Variants in RFX3 observed in about 807,000 individuals in gnomAD.
The protein encoded by RFX3 is regulatory factor X3.
A neutral mutation model predicts 98.6 loss-of-function variants in RFX3; 14 were observed. That is an observed-to-expected ratio of 0.14 (90% CI 0.09 to 0.22). RFX3 has a LOEUF of 0.22. Ranked by LOEUF, RFX3 falls within the 10% of genes least tolerant of loss-of-function variation. RFX3 has a pLI of 1.00. For missense variants in RFX3, 639 were observed against 926.9 expected (o/e 0.69, Z 4.03); for synonymous variants, 383 against 328.4 (o/e 1.17, Z -1.80).
intron 1 of RFX3, among the ~76,000 whole-genome samples, chr9:3,466,949 A>G (rs1259060896): frequency 6.7e-6 from 1 of 150,202 alleles, no homozygotes; most frequent in African/African-American, 2.4e-5. Flanking sequence ...AGGTATTCAT[A>G]TGCATAAAGC....
intron 4 of RFX3, among the ~76,000 whole-genome samples, chr9:3,324,958 C>T (rs1302047621): frequency 6.6e-6 from 1 of 151,444 alleles, no homozygotes; most frequent in African/African-American, 2.4e-5. Context: ...AGTGAGACTC[C>T]ATCTCAAAAA....
intron 1 of RFX3, among the ~76,000 whole-genome samples, chr9:3,423,809 A>ATC (rs1554704384): frequency 1.1e-4 from 15 of 138,936 alleles, no homozygotes; most frequent in South Asian, 9.0e-4. Flanking sequence ...ATATATATAT[A>ATC]TATCTTAAGG....
intron 1 of RFX3, among the ~76,000 whole-genome samples, chr9:3,445,453 G>A (rs1845966600): frequency 6.6e-6 from 1 of 152,092 alleles, no homozygotes; most frequent in Non-Finnish European, 1.5e-5. Context: ...CTCAGGGTGA[G>A]TGAAGTTAAG....
Position 3,228,892 on chromosome 9 carries a change from G to A in RFX3, c.1969-3C>T, listed in dbSNP as rs1489756347. ...GACACGGCATTTAAATCACCAAACT[G>A]CAAAACAATAGTCATTTGTGCAATA... is the stretch of plus-strand genomic sequence containing the variant. On this transcript the variant is annotated splice_polypyrimidine_tract_variant and splice_region_variant and intron_variant, in intron 15 of 16. Coordinates refer to ENST00000617270, the MANE Select transcript of RFX3 (RefSeq NM_001282116.2). 2.5e-6 allele frequency: 4 copies of A among 1,609,774 alleles called. No homozygotes were observed. The highest frequency in any genetic ancestry group is 1.7e-5 in the Admixed American group (1 of 59,240).
chr9:3,225,405 A>G, intron 16 of RFX3, 125 bp from the exon 17 acceptor site: 1 of 1,399,590 alleles, frequency 7.1e-7, no homozygotes, highest in Non-Finnish European at 9.5e-7. Flanking sequence ...TTCTCAGGAA[A>G]CAAAGCTTAG....
At position 3,504,911 on chromosome 9, in the gene RFX3, TATAATATAAC is replaced by T. The variant is rs1564185657; in HGVS notation, c.-9+20826_-9+20835del. ...TAATATAACATATATTATATATATA[TATAATATAAC>T]ATATATTATATATAATATATATAAT... is the stretch of plus-strand genomic sequence containing the variant. On this transcript the variant is annotated intron_variant, in intron 1 of 16. Coordinates refer to ENST00000617270, the MANE Select transcript of RFX3 (RefSeq NM_001282116.2). 1.3e-3 allele frequency among the ~76,000 whole-genome samples: 100 copies of T among 75,648 alleles called. 1 individual carries two copies. The highest frequency in any genetic ancestry group is 1.4e-3 in the Admixed American group (6 of 4,254). The allele number at this position is 75,648 out of a possible 152,430, so 49.6% of individuals were successfully genotyped here.
chr9:3,417,276 T>C (rs1374156050), intron 1 of RFX3, among the ~76,000 whole-genome samples: 7 of 152,200 alleles, frequency 4.6e-5, no homozygotes, highest in Non-Finnish European at 7.4e-5. Context: ...CCCCTTTTAA[T>C]GATATAACAA....
chr9:3,260,543 G>T (rs1239507076), intron 13 of RFX3, among the ~76,000 whole-genome samples: 1 of 151,608 alleles, frequency 6.6e-6, no homozygotes, highest in Non-Finnish European at 1.5e-5. Flanking sequence ...AATGTTTTCT[G>T]TTACTGAGTT....
chr9:3,466,273 C>A (rs890428847), intron 1 of RFX3, among the ~76,000 whole-genome samples: 2 of 152,106 alleles, frequency 1.3e-5, no homozygotes, highest in African/African-American at 2.4e-5. Flanking sequence ...TGCTTAAGGT[C>A]ATATAGCCAA....
At chr9:3,259,065 C>G (rs1318597492) in intron 13 of RFX3, among the ~76,000 whole-genome samples, 2 of 152,032 alleles carry the variant, frequency 1.3e-5, no homozygotes, top group African/African-American at 4.8e-5. Context: ...TTTATTGCAT[C>G]ATATACTATT....
At chr9:3,504,464 T>A (rs1442758559) in intron 1 of RFX3, among the ~76,000 whole-genome samples, 1 of 128,586 alleles carries the variant, frequency 7.8e-6, no homozygotes, top group Non-Finnish European at 1.6e-5. Flanking sequence ...ATATGCCATA[T>A]GGTATATATT....
At chr9:3,524,622 A>G (rs907237335) in intron 1 of RFX3, 49 of 984,672 alleles carry the variant, frequency 5.0e-5, no homozygotes, top group Middle Eastern at 5.2e-4. Context: ...AGTTCTCACA[A>G]AGCTTCCTTG....
chr9:3,470,107 C>T (rs980673706), intron 1 of RFX3, among the ~76,000 whole-genome samples: 45 of 152,006 alleles, frequency 3.0e-4, no homozygotes, highest in Non-Finnish European at 6.2e-4. Context: ...AAATGAAGAG[C>T]CAGTCAGGTT....
intron 7 of RFX3, among the ~76,000 whole-genome samples, chr9:3,278,009 G>C (rs1664688783): frequency 1.3e-5 from 2 of 151,582 alleles, no homozygotes; most frequent in Admixed American, 1.3e-4. Context: ...AAATACAAAG[G>C]CCATAAGCAT....
At chr9:3,471,041 A>G (rs578213346) in intron 1 of RFX3, among the ~76,000 whole-genome samples, 1 of 152,212 alleles carries the variant, frequency 6.6e-6, no homozygotes, top group Non-Finnish European at 1.5e-5. Context: ...TGTAATTCTC[A>G]CAAATCTGTG....
chr9:3,301,327 C>G (rs1360751139), intron 5 of RFX3, among the ~76,000 whole-genome samples: 7 of 151,686 alleles, frequency 4.6e-5, no homozygotes, highest in Admixed American at 4.6e-4. Flanking sequence ...TATCTGTACC[C>G]AAAGAGTACA....
At chr9:3,487,414 T>C (rs1850369068) in intron 1 of RFX3, among the ~76,000 whole-genome samples, 1 of 152,218 alleles carries the variant, frequency 6.6e-6, no homozygotes, top group Admixed American at 6.5e-5. Flanking sequence ...CCAATTGTTA[T>C]TGGCCCTGGT....
At chr9:3,435,385 A>T (rs1587668619) in intron 1 of RFX3, among the ~76,000 whole-genome samples, 1 of 107,132 alleles carries the variant, frequency 9.3e-6, no homozygotes, top group Admixed American at 9.2e-5. Context: ...TTGTATATTT[A>T]GTTTTTTCCT....
chr9:3,275,586 C>T lies in RFX3; in HGVS notation c.1000G>A (p.Gly334Arg), dbSNP rs1048210761. Residue 334 changes from glycine to arginine, a missense_variant, in exon 9 of 17, where the codon GGA becomes AGA. Coordinates refer to ENST00000617270, the MANE Select transcript of RFX3 (RefSeq NM_001282116.2). ...LDASRALPEF[G>R]EVEISSLPDG... ...GGCAGAGAAGAGATTTCAACTTCTC[C>T]AAACTCTGGAAGTGCTCGAGATGCA... is the stretch of plus-strand genomic sequence containing the variant. The T allele has an allele frequency of 6.2e-7, 1 of 1,611,394 alleles. No individual in the cohort carries two copies. Among genetic ancestry groups the T allele is most frequent in the Non-Finnish European group, 8.5e-7 (1 of 1,177,886 alleles).
Sources: gnomAD v4.1 joint callset for allele counts (sites outside exome capture counted in the v4.1 genomes callset) on GRCh38, gnomAD v4.1.1 for gene constraint, MANE v1.5 for transcripts, NCBI Gene and HGNC (gene_info 2026-07-23, HGNC 2026-07-21) for gene names.